The following CCDC3 variants were observed in gnomAD, a reference collection of about 807,000 sequenced individuals.
CCDC3 encodes coiled-coil domain containing 3.
Under a neutral mutation model 21.4 loss-of-function variants are expected in CCDC3, and 24 were observed. The observed-to-expected ratio is 1.12, with a 90% confidence interval of 0.81 to 1.58. CCDC3 has a LOEUF of 1.58. CCDC3 is among the 40% of genes most tolerant of loss of function. The pLI, the probability that CCDC3 is intolerant of heterozygous loss-of-function variation, is 0.00. For missense variants in CCDC3, 425 were observed against 360.9 expected, an observed-to-expected ratio of 1.18 and a Z score of -1.44; for synonymous variants, 186 against 166.0, an observed-to-expected ratio of 1.12 and a Z score of -0.93.
chr10:13,044,371 A>G (rs1836498168), intron 5 of CCDC3, among the ~76,000 whole-genome samples: 1 of 152,144 alleles, frequency 6.6e-6, no homozygotes. Flanking sequence ...CCATTTGTCA[A>G]TTTTTGGTCT....
intron 2 of CCDC3, among the ~76,000 whole-genome samples, chr10:12,948,522 C>G (rs1201482807): frequency 6.6e-6 from 1 of 151,806 alleles, no homozygotes; most frequent in African/African-American, 2.4e-5. Flanking sequence ...GCTCCAGAAC[C>G]CCGTGTGTTT....
At chr10:12,908,394 GACT>G (rs996221854) in intron 2 of CCDC3, among the ~76,000 whole-genome samples, 10 of 150,814 alleles carry the variant, frequency 6.6e-5, no homozygotes, top group African/African-American at 2.4e-4. Context: ...AGCAAGAATA[GACT>G]ACAAGAGTGA....
chr10:13,001,324 A>C lies in CCDC3; in HGVS notation c.247T>G (p.Cys83Gly). Reference sequence around the variant, plus strand: ...AGCATGCTGCCCCACGCCTGGTCGCACAGCATCTCGACCTCGGCCGAGTAG... The same window carrying C: ...AGCATGCTGCCCCACGCCTGGTCGCCCAGCATCTCGACCTCGGCCGAGTAG... Reference protein sequence around the residue: ...LFYSAEVEMLCDQAWGSMLEV... With the variant: ...LFYSAEVEMLGDQAWGSMLEV... The change falls in exon 1 of 3, where the codon TGC becomes GGC. Residue 83 changes from cysteine to glycine, a missense_variant. Transcript: ENST00000378825. The C allele has an allele frequency of 1.2e-6, 2 of 1,606,154 alleles. No homozygotes were observed. The highest frequency in any genetic ancestry group is 1.7e-6 in the Non-Finnish European group (2 of 1,177,584).
intron 2 of CCDC3, among the ~76,000 whole-genome samples, chr10:12,962,947 G>T (rs1465343506): frequency 1.3e-5 from 2 of 152,128 alleles, no homozygotes; most frequent in Non-Finnish European, 2.9e-5. Context: ...TTATGTGTGT[G>T]TTTTCATAAA....
intron 5 of CCDC3, among the ~76,000 whole-genome samples, chr10:13,037,485 T>C (rs1382395664): frequency 6.6e-6 from 1 of 152,162 alleles, no homozygotes; most frequent in East Asian, 1.9e-4. Flanking sequence ...GGTGATCATG[T>C]CTCTAAGTCT....
At chr10:12,984,438 C>T (rs1055200229) in intron 2 of CCDC3, among the ~76,000 whole-genome samples, 2 of 152,152 alleles carry the variant, frequency 1.3e-5, no homozygotes, top group South Asian at 2.1e-4. Context: ...GAAATTGCAA[C>T]CCTCATACAC....
chr10:13,075,893 AT>A (rs1399371369), intron 3 of CCDC3, among the ~76,000 whole-genome samples: 3 of 152,186 alleles, frequency 2.0e-5, no homozygotes, highest in East Asian at 3.9e-4. Flanking sequence ...TACTAAAAAA[AT>A]AAAATAAAAT....
intron 2 of CCDC3, among the ~76,000 whole-genome samples, chr10:12,937,956 A>G (rs1349471680): frequency 6.6e-6 from 1 of 151,944 alleles, no homozygotes; most frequent in African/African-American, 2.4e-5. Context: ...CCCTTATCCA[A>G]TTTTCTGTGT....
chr10:12,953,961 G>A (rs886951500), intron 2 of CCDC3, among the ~76,000 whole-genome samples: 5 of 152,166 alleles, frequency 3.3e-5, no homozygotes, highest in Non-Finnish European at 5.9e-5. Context: ...CCACTGACAA[G>A]GACAATTAGT....
intron 5 of CCDC3, among the ~76,000 whole-genome samples, chr10:13,014,624 C>T (rs896102415): frequency 6.6e-6 from 1 of 151,946 alleles, no homozygotes; most frequent in African/African-American, 2.4e-5. Flanking sequence ...TATATCAAAG[C>T]TATTTCCATT....
Position 12,923,400 on chromosome 10 carries a change from A to G in CCDC3, c.550-24721T>C, listed in dbSNP as rs578112091. Among the ~76,000 whole-genome samples the G allele has an allele frequency of 5.3e-5, 8 of 152,188 alleles. No individual in the cohort carries two copies. The South Asian group carries it at 1.7e-3, about 32-fold the overall frequency. On this transcript the variant is annotated intron_variant, in intron 2 of 2. Transcript: ENST00000378825. ...GAACATACCCCAAACATTACTTCTG[A>G]GTCTTTATTCTGCTGCTTCCTCCTG... is the stretch of plus-strand genomic sequence containing the variant.
chr10:13,045,618 AAAAC>A (rs767146315), intron 5 of CCDC3, among the ~76,000 whole-genome samples: 46 of 151,886 alleles, frequency 3.0e-4, no homozygotes, highest in Admixed American at 7.2e-4. Flanking sequence ...ACTCTGCCTC[AAAAC>A]AAACAAACAA....
intron 4 of CCDC3, among the ~76,000 whole-genome samples, chr10:13,072,332 G>A (rs1244928874): frequency 1.3e-5 from 2 of 152,074 alleles, no homozygotes; most frequent in Admixed American, 1.3e-4. Context: ...TTAGCAGAAA[G>A]CAGTTAATTT....
rs551073199 is a variant in CCDC3 at position 13,014,404 on chromosome 10, C to A, written c.-1-15892G>T. Among the ~76,000 whole-genome samples the A allele has an allele frequency of 4.1e-5, 6 of 145,726 alleles. No homozygotes were observed. In the Middle Eastern group the frequency reaches 0.014, roughly 352 times the overall value. ...GTCGGAGCTTGCAGTGAGCCAAGATCGTGCCGCTGCACTCCAGCCTGGGCG... is the reference window on the plus strand; with the variant it reads ...GTCGGAGCTTGCAGTGAGCCAAGATAGTGCCGCTGCACTCCAGCCTGGGCG... On this transcript the variant is annotated intron_variant, in intron 5 of 6. Transcript: ENST00000378839.
chr10:13,084,844 G>A (rs1354031224), intron 3 of CCDC3, among the ~76,000 whole-genome samples: 1 of 152,210 alleles, frequency 6.6e-6, no homozygotes, highest in Admixed American at 6.5e-5. Flanking sequence ...GGAGAGCACA[G>A]TATGGGTGCA....
intron 2 of CCDC3, among the ~76,000 whole-genome samples, chr10:12,946,678 C>G (rs1237236583): frequency 6.6e-6 from 1 of 152,170 alleles, no homozygotes; most frequent in Non-Finnish European, 1.5e-5. Context: ...TTTAATTTAT[C>G]TACAGTTTTT....
intron 2 of CCDC3, among the ~76,000 whole-genome samples, chr10:12,901,495 G>A (rs989177091): frequency 3.9e-5 from 6 of 152,044 alleles, no homozygotes; most frequent in African/African-American, 1.4e-4. Flanking sequence ...GGATGGTCTC[G>A]ATTTCCTGAC....
intron 2 of CCDC3, among the ~76,000 whole-genome samples, chr10:12,912,363 T>A (rs931962810): frequency 6.6e-6 from 1 of 152,234 alleles, no homozygotes; most frequent in African/African-American, 2.4e-5. Context: ...AATTTGCGTG[T>A]CCCTGATTAG....
chr10:13,054,154 CAAAAAAAAAA>C lies in CCDC3; in HGVS notation c.-269-4223_-269-4214del, dbSNP rs71386143. 8.0e-5 allele frequency among the ~76,000 whole-genome samples: 8 copies of C among 99,914 alleles called. No homozygotes were observed. In the Admixed American group the frequency reaches 9.1e-4, roughly 11 times the overall value. The allele number at this position is 99,914 out of a possible 152,430, so 65.5% of individuals were successfully genotyped here. A position where few individuals can be genotyped will look rare whatever the true frequency, so the allele number is the denominator to read the frequency against. On this transcript the variant is annotated intron_variant, in intron 4 of 6. Coordinates refer to the CCDC3 transcript ENST00000378839. ...AGAGAGAGAGAGAGAGACTCTGTATCAAAAAAAAAAAAAAAAAAAGAGGAAACTTGGCAAG... is the reference window on the plus strand; with the variant it reads ...AGAGAGAGAGAGAGAGACTCTGTATCAAAAAAAAAGAGGAAACTTGGCAAG...
Sources: gnomAD v4.1 joint callset for allele counts (sites outside exome capture counted in the v4.1 genomes callset) on GRCh38, gnomAD v4.1.1 for gene constraint, MANE v1.5 for transcripts, NCBI Gene and HGNC (gene_info 2026-07-23, HGNC 2026-07-21) for gene names.